ARHGAP15: variants seen among roughly 807,000 people sequenced by gnomAD.
ARHGAP15 encodes Rho GTPase activating protein 15.
A neutral mutation model predicts 63.7 loss-of-function variants in ARHGAP15; 51 were observed. The ratio of observed to expected loss-of-function variants is 0.80; its 90% CI spans 0.64 to 1.01. The LOEUF is 1.01. Among genes scored for constraint, ARHGAP15 ranks in the 50% least tolerant of loss-of-function variants. The pLI is 0.00. For missense variants in ARHGAP15, 560 were observed against 564.6 expected, an observed-to-expected ratio of 0.99 and a Z score of 0.08; for synonymous variants, 191 against 193.8, an observed-to-expected ratio of 0.99 and a Z score of 0.12.
intron 1 of ARHGAP15, among the ~76,000 whole-genome samples, chr2:143,143,317 A>G (rs1689446046): frequency 6.6e-6 from 1 of 152,106 alleles, no homozygotes; most frequent in Non-Finnish European, 1.5e-5. Flanking sequence ...TAGAAAGAAG[A>G]GGATACATTT....
intron 12 of ARHGAP15, among the ~76,000 whole-genome samples, chr2:143,656,421 T>C (rs1196555826): frequency 6.6e-6 from 1 of 152,188 alleles, no homozygotes; most frequent in Non-Finnish European, 1.5e-5. Context: ...GTCAATTACT[T>C]GTGCAAAAGT....
chr2:143,649,187 A>T (rs1681043303), intron 12 of ARHGAP15, among the ~76,000 whole-genome samples: 1 of 151,948 alleles, frequency 6.6e-6, no homozygotes, highest in South Asian at 2.1e-4. Flanking sequence ...CATCATCATC[A>T]TCAGTGTAAC....
intron 6 of ARHGAP15, among the ~76,000 whole-genome samples, chr2:143,393,495 AG>A (rs146288485): frequency 2.6e-3 from 402 of 152,240 alleles, no homozygotes; most frequent in African/African-American, 9.3e-3. Flanking sequence ...CCACTTTGGG[AG>A]GCGAAGGTGG....
At chr2:143,310,359 A>G (rs1456636981) in intron 6 of ARHGAP15, among the ~76,000 whole-genome samples, 1 of 152,034 alleles carries the variant, frequency 6.6e-6, no homozygotes, top group Non-Finnish European at 1.5e-5. Flanking sequence ...TTATATCGGT[A>G]TGTTATCATG....
chr2:143,718,400 T>C (rs887496560), intron 13 of ARHGAP15, among the ~76,000 whole-genome samples: 8 of 152,204 alleles, frequency 5.3e-5, no homozygotes, highest in African/African-American at 1.9e-4. Flanking sequence ...TACAAAACAG[T>C]AGAGCTCAAA....
chr2:143,297,082 C>A (rs561775860), intron 6 of ARHGAP15, among the ~76,000 whole-genome samples: 50 of 152,024 alleles, frequency 3.3e-4, no homozygotes, highest in Middle Eastern at 3.4e-3. Context: ...CCAGTATCTT[C>A]CTGAGGGGGA....
At chr2:143,537,105 TG>T (rs2105032364) in intron 10 of ARHGAP15, among the ~76,000 whole-genome samples, 1 of 152,358 alleles carries the variant, frequency 6.6e-6, no homozygotes, top group East Asian at 1.9e-4. Context: ...GGTTTTGATT[TG>T]CATTTCTCTG....
intron 13 of ARHGAP15, 133 bp downstream of exon 13, chr2:143,703,657 C>G: frequency 1.6e-6 from 1 of 635,060 alleles, no homozygotes; most frequent in Admixed American, 3.3e-5. Flanking sequence ...TGAACTAGGT[C>G]TTTCTGCAGA....
At chr2:143,581,999 A>G (rs967589743) in intron 11 of ARHGAP15, among the ~76,000 whole-genome samples, 5 of 152,172 alleles carry the variant, frequency 3.3e-5, no homozygotes, top group African/African-American at 1.2e-4. Flanking sequence ...TTTTATTTCA[A>G]GTGTCTATGA....
At chr2:143,552,730 A>G (rs1407389021) in intron 10 of ARHGAP15, among the ~76,000 whole-genome samples, 4 of 152,216 alleles carry the variant, frequency 2.6e-5, no homozygotes, top group Non-Finnish European at 4.4e-5. Context: ...TCATACTACC[A>G]TTAATGCCAC....
At chr2:143,414,359 G>A (rs1393900394) in intron 6 of ARHGAP15, among the ~76,000 whole-genome samples, 2 of 151,770 alleles carry the variant, frequency 1.3e-5, no homozygotes, top group Non-Finnish European at 2.9e-5. Flanking sequence ...AAATTATACT[G>A]GAGATAAGAA....
intron 12 of ARHGAP15, among the ~76,000 whole-genome samples, chr2:143,684,858 T>TTGA (rs1683257365): frequency 6.6e-6 from 1 of 152,168 alleles, no homozygotes; most frequent in Admixed American, 6.5e-5. Context: ...TTTTGGCTGA[T>TTGA]TGATATAAAT....
chr2:143,548,837 T>C (rs564875622), intron 10 of ARHGAP15, among the ~76,000 whole-genome samples: 74 of 151,782 alleles, frequency 4.9e-4, no homozygotes, highest in African/African-American at 1.8e-3. Context: ...AGCAGAAATA[T>C]GAGGAAGGTA....
At chr2:143,359,039 T>C (rs1685927781) in intron 6 of ARHGAP15, among the ~76,000 whole-genome samples, 1 of 152,070 alleles carries the variant, frequency 6.6e-6, no homozygotes, top group Admixed American at 6.6e-5. Context: ...AGGGTGCGAT[T>C]GATTTAAACA....
intron 6 of ARHGAP15, among the ~76,000 whole-genome samples, chr2:143,356,126 G>A (rs1285116455): frequency 1.3e-5 from 2 of 151,992 alleles, no homozygotes; most frequent in Non-Finnish European, 2.9e-5. Flanking sequence ...ATTTTCATCC[G>A]AAGAGATAGT....
At chr2:143,547,318 T>G (rs1197286783) in intron 10 of ARHGAP15, among the ~76,000 whole-genome samples, 3 of 152,176 alleles carry the variant, frequency 2.0e-5, no homozygotes, top group Admixed American at 2.0e-4. Context: ...CTTATCAATC[T>G]ATATCACATT....
chr2:143,618,321 ATAT>A (rs1308377628), intron 11 of ARHGAP15, among the ~76,000 whole-genome samples: 2 of 152,142 alleles, frequency 1.3e-5, no homozygotes, highest in African/African-American at 4.8e-5. Context: ...AGGGCCAAAC[ATAT>A]TATGTTTTGG....
chr2:143,512,568 G>GA (rs1693636737), intron 9 of ARHGAP15, among the ~76,000 whole-genome samples: 1 of 152,250 alleles, frequency 6.6e-6, no homozygotes, highest in Non-Finnish European at 1.5e-5. Context: ...TATTTTGCCA[G>GA]ACCTGGTCCT....
In ARHGAP15 at chr2:143,239,990, C is replaced by CAAAAAAAAAA. The variant is rs60960176; in HGVS notation, c.385-10499_385-10490dup. Reference sequence around the variant, plus strand: ...TGGGTGATAGAGTGAGACTCTGTCTCAAAAAAAAAAAAAAAAAAAAAAAAA... The same window carrying CAAAAAAAAAA: ...TGGGTGATAGAGTGAGACTCTGTCTCAAAAAAAAAAAAAAAAAAAAAAAAAAAAAAAAAAA... On this transcript the variant is annotated intron_variant, in intron 5 of 13. Coordinates refer to ENST00000295095, the MANE Select transcript of ARHGAP15 (RefSeq NM_018460.4). Among the ~76,000 whole-genome samples the CAAAAAAAAAA allele has an allele frequency of 6.0e-4, 16 of 26,466 alleles. 2 individuals are homozygous for CAAAAAAAAAA. Among genetic ancestry groups the CAAAAAAAAAA allele is most frequent in the African/African-American group, 7.6e-4 (6 of 7,898 alleles). The allele number at this position is 26,466 out of a possible 152,430, so 17.4% of individuals were successfully genotyped here.
Sources: allele counts gnomAD v4.1 joint callset (sites outside exome capture counted in the v4.1 genomes callset), GRCh38; gene constraint gnomAD v4.1.1; transcripts MANE v1.5; gene names NCBI Gene and HGNC (gene_info 2026-07-23, HGNC 2026-07-21).